CRTAC1: variants seen among roughly 807,000 people sequenced by gnomAD.
CRTAC1 encodes acidic secreted protein in cartilage.
A neutral mutation model predicts 67.8 loss-of-function variants in CRTAC1; 37 were observed. The ratio of observed to expected loss-of-function variants is 0.55; its 90% confidence interval spans 0.42 to 0.72. CRTAC1 has a LOEUF of 0.72. CRTAC1 is among the 30% of genes least tolerant of loss of function. CRTAC1 has a pLI of 0.00. For missense variants in CRTAC1, 780 were observed against 931.6 expected (o/e 0.84, Z 2.12); for synonymous variants, 348 against 371.0 (o/e 0.94, Z 0.71).
chr10:98,020,496 G>T (rs1038450226), intron 1 of CRTAC1, among the ~76,000 whole-genome samples: 18 of 152,230 alleles, frequency 1.2e-4, no homozygotes, highest in Non-Finnish European at 2.1e-4. Context: ...GTGGATCCAG[G>T]ATGTGTGTCT....
At chr10:97,870,807 C>T (rs890075768) in intron 14 of CRTAC1, 2 of 151,836 alleles carry the variant, frequency 1.3e-5, no homozygotes, top group African/African-American at 4.8e-5. Context: ...AGGGAAGGTC[C>T]CTGATGCCTA....
Position 97,895,096 on chromosome 10 carries a change from C to A in CRTAC1, c.1486+149G>T. On this transcript the variant is annotated intron_variant, in intron 11 of 14. Coordinates refer to ENST00000370597, the MANE Select transcript of CRTAC1 (RefSeq NM_018058.7). This position sits in a 1 kb window ranked among gnomAD's most constrained non-coding sequence, Gnocchi z 4.2. ...CGCCTCTTCTTGAGCTCAGGCTCATCTCAGAGTAGGGTTTGTCCCCAGTAG... is the reference window on the plus strand; with the variant it reads ...CGCCTCTTCTTGAGCTCAGGCTCATATCAGAGTAGGGTTTGTCCCCAGTAG... 4 of 745,156 alleles carry A rather than the reference C, an allele frequency of 5.4e-6. No homozygotes were observed. Among genetic ancestry groups the A allele is most frequent in the Non-Finnish European group, 8.4e-6 (4 of 475,926 alleles). The allele number at this position is 745,156 out of a possible 1,614,324, so 46.2% of individuals were successfully genotyped here.
At position 97,923,332 on chromosome 10, in the gene CRTAC1, C is replaced by T. The variant is rs753238630; in HGVS notation, c.490G>A (p.Glu164Lys). 7 of 1,614,154 alleles carry T rather than the reference C, an allele frequency of 4.3e-6. No homozygotes were observed. The highest frequency in any genetic ancestry group is 5.9e-6 in the Non-Finnish European group (7 of 1,180,046). The change falls in exon 4 of 15, where the codon GAG (glutamate) becomes AAG (lysine). Residue 164 changes from glutamate to lysine, a missense_variant. Coordinates refer to ENST00000370597, the MANE Select transcript of CRTAC1 (RefSeq NM_018058.7). ...NNRWEDILSD[E>K]VNVARGVASL... ...GCCACACCACGGGCCACGTTGACCT[C>T]ATCGCTCAGGATGTCTTCCCACCGG...
At chr10:97,963,833 C>T (rs1251453838) in intron 2 of CRTAC1, among the ~76,000 whole-genome samples, 1 of 152,110 alleles carries the variant, frequency 6.6e-6, no homozygotes, top group East Asian at 1.9e-4. Flanking sequence ...AGATGTAGGT[C>T]GTTGCCTTTT....
At chr10:97,883,052 C>T (rs2050237373) in intron 12 of CRTAC1, among the ~76,000 whole-genome samples, 1 of 152,208 alleles carries the variant, frequency 6.6e-6, no homozygotes, top group African/African-American at 2.4e-5. Context: ...GACTCTTGCT[C>T]ATTTCCCTGT....
chr10:97,930,512 G>C (rs138878946), intron 3 of CRTAC1, among the ~76,000 whole-genome samples: 43 of 152,308 alleles, frequency 2.8e-4, no homozygotes, highest in South Asian at 6.2e-4. Context: ...ATTAAATACA[G>C]ATTCTGGTTT....
chr10:97,959,896 C>A (rs547896708), intron 2 of CRTAC1, among the ~76,000 whole-genome samples: 1 of 152,358 alleles, frequency 6.6e-6, no homozygotes, highest in African/African-American at 2.4e-5. Flanking sequence ...ATTCACCCAG[C>A]AACGAGTTGT....
In CRTAC1 at chr10:97,880,232, G is replaced by C. The variant is rs1337886409; in HGVS notation, c.1819+17C>G. On this transcript the variant is annotated intron_variant, in intron 14 of 14. Coordinates refer to ENST00000370597, the MANE Select transcript of CRTAC1 (RefSeq NM_018058.7). ...AACATCCTTTTGCTACTGGCCTATG[G>C]CTGGGGCCCCACTCACCCACGCAGG... is the stretch of plus-strand genomic sequence containing the variant. The C allele has an allele frequency of 3.1e-6, 5 of 1,613,102 alleles. No individual in the cohort carries two copies. The highest frequency in any genetic ancestry group is 4.2e-6 in the Non-Finnish European group (5 of 1,179,172).
chr10:97,931,526 C>T (rs2051003891), intron 3 of CRTAC1, among the ~76,000 whole-genome samples: 1 of 152,190 alleles, frequency 6.6e-6, no homozygotes, highest in Non-Finnish European at 1.5e-5. Context: ...TCTCTGTGTA[C>T]TGCCATGAAA....
At position 97,975,954 on chromosome 10, in the gene CRTAC1, C is replaced by T. The variant is rs1223455247; in HGVS notation, c.224+35184G>A. 1.3e-5 allele frequency among the ~76,000 whole-genome samples: 2 copies of T among 152,178 alleles called. No homozygotes were observed. Among genetic ancestry groups the T allele is most frequent in the Admixed American group, 6.5e-5 (1 of 15,286 alleles). On this transcript the variant is annotated intron_variant, in intron 2 of 14. Transcript: ENST00000370597. This position sits in a 1 kb window ranked among gnomAD's most constrained non-coding sequence, Gnocchi z 4.8. ...TTCCCCGAACCACATCTTACATCTT[C>T]GGGCCCCTATAGAGACCACTGACGT... is the stretch of plus-strand genomic sequence containing the variant.
At chr10:97,879,282 A>C (rs928402254) in intron 14 of CRTAC1, among the ~76,000 whole-genome samples, 1 of 152,204 alleles carries the variant, frequency 6.6e-6, no homozygotes, top group Non-Finnish European at 1.5e-5. Context: ...CAGAAACAGC[A>C]CAGGCCAAAC....
intron 2 of CRTAC1, among the ~76,000 whole-genome samples, chr10:97,991,099 C>CAAAAA (rs757267901): frequency 0.046 from 827 of 17,962 alleles, 89 homozygotes; most frequent in Non-Finnish European, 0.06. Flanking sequence ...ACCATCTCTA[C>CAAAAA]AAAAAAAAAA....
intron 2 of CRTAC1, among the ~76,000 whole-genome samples, chr10:97,980,435 T>C (rs780027417): frequency 1.3e-5 from 2 of 152,312 alleles, no homozygotes; most frequent in Non-Finnish European, 2.9e-5. Context: ...TATTATACAC[T>C]CCAAGAGTCC....
At chr10:97,937,712 C>A (rs1025433515) in intron 2 of CRTAC1, among the ~76,000 whole-genome samples, 1 of 152,186 alleles carries the variant, frequency 6.6e-6, no homozygotes, top group African/African-American at 2.4e-5. Flanking sequence ...TGCAGGAAGT[C>A]GGTGTGCCCA....
At chr10:97,980,181 A>G (rs2051869325) in intron 2 of CRTAC1, among the ~76,000 whole-genome samples, 1 of 152,242 alleles carries the variant, frequency 6.6e-6, no homozygotes, top group Admixed American at 6.5e-5. Context: ...AAATTAGAAG[A>G]TTCATGTAAA....
chr10:97,880,199 T>A, intron 14 of CRTAC1, 50 bp downstream of exon 14: 1 of 1,600,488 alleles, frequency 6.2e-7, no homozygotes, highest in Non-Finnish European at 8.5e-7. Flanking sequence ...AGCTCCCCAG[T>A]GGAAAGCAAC....
chr10:97,999,894 A>T (rs1842655128), intron 2 of CRTAC1, among the ~76,000 whole-genome samples: 2 of 152,154 alleles, frequency 1.3e-5, no homozygotes, highest in Non-Finnish European at 2.9e-5. Context: ...GGCAGAGATG[A>T]CTGACGCCCT....
intron 12 of CRTAC1, among the ~76,000 whole-genome samples, chr10:97,883,046 C>G (rs113327302): frequency 2.0e-5 from 3 of 152,324 alleles, no homozygotes; most frequent in African/African-American, 7.2e-5. Context: ...GGTTCAGACT[C>G]TTGCTCATTT....
At position 98,029,066 on chromosome 10, in the gene CRTAC1, T is replaced by C. The variant is rs560959334; in HGVS notation, c.24+1383A>G. ...ACTTTAGGACCTACTGCCAGAAGGA[T>C]GTTCTTAACCAAGTCAGAGAGAGAG... On this transcript the variant is annotated intron_variant, in intron 1 of 14. Transcript: ENST00000370597. The surrounding 1 kb of genome is among the most constrained non-coding windows in gnomAD (Gnocchi z 4.7). Among the ~76,000 whole-genome samples, 70 of 152,308 alleles carry C rather than the reference T, an allele frequency of 4.6e-4. No homozygotes were observed. The highest frequency in any genetic ancestry group is 1.6e-3 in the African/African-American group (68 of 41,568).
Sources: allele counts gnomAD v4.1 joint callset (sites outside exome capture counted in the v4.1 genomes callset), GRCh38; gene constraint gnomAD v4.1.1; non-coding constraint Gnocchi (gnomAD v3.1); transcripts MANE v1.5; gene names NCBI Gene and HGNC (gene_info 2026-07-23, HGNC 2026-07-21).